Variants in THSD7A observed in about 807,000 individuals in gnomAD.
THSD7A encodes the protein thrombospondin type 1 domain containing 7A, also known as thrombospondin type-1 domain-containing protein 7A.
THSD7A carries 96 observed loss-of-function variants against 231.3 expected under a neutral mutation model. The observed-to-expected ratio is 0.41, with a 90% CI of 0.35 to 0.49. The LOEUF (loss-of-function observed/expected upper bound fraction) is 0.49. THSD7A is among the 20% of genes least tolerant of loss of function. The probability of loss-of-function intolerance (pLI) is 0.05; values close to 1 mark genes in which losing one functional copy is unlikely to be tolerated. For missense variants in THSD7A, 2,290 were observed against 2,070.2 expected (o/e 1.11, Z -2.06); for synonymous variants, 940 against 743.3 (o/e 1.26, Z -4.30).
intron 5 of THSD7A, among the ~76,000 whole-genome samples, chr7:11,541,843 A>T (rs1388623907): frequency 1.3e-5 from 2 of 152,180 alleles, no homozygotes; most frequent in African/African-American, 4.8e-5. Context: ...AATGAAAAAA[A>T]ATGAGAACCT....
At chr7:11,402,001 A>T (rs1213336227) in intron 22 of THSD7A, 33 bp from the exon 23 acceptor site, 1 of 1,586,244 alleles carries the variant, frequency 6.3e-7, no homozygotes, top group Non-Finnish European at 8.6e-7. Flanking sequence ...TTACACCCAT[A>T]TCCACAGAGA....
intron 1 of THSD7A, among the ~76,000 whole-genome samples, chr7:11,659,050 T>G (rs1782818559): frequency 6.6e-6 from 1 of 151,696 alleles, no homozygotes; most frequent in Admixed American, 6.6e-5. Context: ...TGAACTCACT[T>G]AAACACACAC....
At chr7:11,388,787 A>G (rs572092491) in intron 23 of THSD7A, among the ~76,000 whole-genome samples, 17 of 152,052 alleles carry the variant, frequency 1.1e-4, no homozygotes, top group African/African-American at 2.4e-4. Context: ...CCTGCTTTCT[A>G]TTGTGTGCAT....
At chr7:11,664,161 A>G (rs139374324) in intron 1 of THSD7A, among the ~76,000 whole-genome samples, 12 of 151,882 alleles carry the variant, frequency 7.9e-5, no homozygotes, top group African/African-American at 2.6e-4. Flanking sequence ...GAAGGATTCA[A>G]TAAGTTTTTC....
chr7:11,749,711 G>A (rs757962650), intron 1 of THSD7A, among the ~76,000 whole-genome samples: 6 of 151,946 alleles, frequency 3.9e-5, no homozygotes, highest in Non-Finnish European at 7.4e-5. Flanking sequence ...CAAGCATACC[G>A]GGAGCTATCA....
intron 1 of THSD7A, chr7:11,820,603 T>C (rs1421791704): frequency 1.4e-5 from 10 of 727,624 alleles, no homozygotes; most frequent in Non-Finnish European, 2.5e-5. Flanking sequence ...TCCTGGCCTC[T>C]TCCTCTGGCT....
chr7:11,619,567 C>G (rs1284331908), intron 2 of THSD7A, among the ~76,000 whole-genome samples: 1 of 151,800 alleles, frequency 6.6e-6, no homozygotes, highest in African/African-American at 2.4e-5. Context: ...TGCTCCTATG[C>G]CCAACTAATT....
intron 1 of THSD7A, among the ~76,000 whole-genome samples, chr7:11,676,167 A>G (rs1217523220): frequency 1.3e-5 from 2 of 152,188 alleles, no homozygotes; most frequent in Non-Finnish European, 2.9e-5. Context: ...GACCTGCAGA[A>G]GAGGGGCCTG....
chr7:11,723,422 A>G (rs1299612495), intron 1 of THSD7A, among the ~76,000 whole-genome samples: 2 of 151,912 alleles, frequency 1.3e-5, no homozygotes, highest in Non-Finnish European at 2.9e-5. Flanking sequence ...ACATGTATAC[A>G]TATGTAACAA....
At chr7:11,766,462 A>ACCC (rs1783031834) in intron 1 of THSD7A, among the ~76,000 whole-genome samples, 1 of 145,884 alleles carries the variant, frequency 6.9e-6, no homozygotes, top group African/African-American at 2.8e-5. Flanking sequence ...CAGGGTATTG[A>ACCC]ACCAATATTC....
At chr7:11,461,750 C>T (rs185076999) in intron 10 of THSD7A, among the ~76,000 whole-genome samples, 26 of 152,264 alleles carry the variant, frequency 1.7e-4, no homozygotes, top group Non-Finnish European at 3.7e-4. Flanking sequence ...TATGTTATAT[C>T]AACATAAGAC....
At position 11,593,265 on chromosome 7, in the gene THSD7A, G is replaced by A; in HGVS notation, c.1260C>T (p.Val420=). The change falls in exon 3 of 28, where the codon GTC becomes GTT. Residue 420 remains valine, a synonymous_variant. Transcript: ENST00000423059. ...EPCLSQGDGV[V]PCATYGWRTT... is the part of the protein sequence containing the mutation. ...CTTTATTTACTCACGTGGCACAGGG[G>A]ACAACTCCATCTCCTTGAGACAAAC... The A allele has an allele frequency of 6.2e-7, 1 of 1,613,914 alleles. No homozygotes were observed. Among genetic ancestry groups the A allele is most frequent in the Non-Finnish European group, 8.5e-7 (1 of 1,179,884 alleles).
chr7:11,671,457 A>G (rs1245206706), intron 1 of THSD7A, among the ~76,000 whole-genome samples: 2 of 152,184 alleles, frequency 1.3e-5, no homozygotes, highest in Non-Finnish European at 2.9e-5. Context: ...TATGTAAGAC[A>G]TTCCTCTTGC....
chr7:11,625,758 T>C (rs1781456542), intron 2 of THSD7A, among the ~76,000 whole-genome samples: 1 of 152,166 alleles, frequency 6.6e-6, no homozygotes, highest in African/African-American at 2.4e-5. Context: ...TATGGGAATT[T>C]GTATTTTCTT....
chr7:11,565,526 G>C (rs1290423396), intron 4 of THSD7A, among the ~76,000 whole-genome samples: 2 of 152,168 alleles, frequency 1.3e-5, no homozygotes, highest in Non-Finnish European at 2.9e-5. Context: ...AAGAAACAGT[G>C]GCTTGGACTG....
intron 1 of THSD7A, among the ~76,000 whole-genome samples, chr7:11,758,496 G>A (rs1163951414): frequency 6.6e-6 from 1 of 151,944 alleles, no homozygotes; most frequent in Non-Finnish European, 1.5e-5. Context: ...GCTGGTGCAG[G>A]GTTTGGCTGT....
At chr7:11,582,104 G>C (rs1017891940) in intron 4 of THSD7A, among the ~76,000 whole-genome samples, 1 of 151,860 alleles carries the variant, frequency 6.6e-6, no homozygotes, top group South Asian at 2.1e-4. Context: ...TTTGGTATTA[G>C]ATAGTCCGTG....
At position 11,637,040 on chromosome 7, in the gene THSD7A, T is replaced by C. The variant is rs1781893140; in HGVS notation, c.191-79A>G. ...TTACTGCACATTCCAGAAAGACCTT[T>C]CAAGACCTAGTACATTAACTTCCCT... On this transcript the variant is annotated intron_variant, in intron 1 of 27. Transcript: ENST00000423059. This position sits in a 1 kb window ranked among gnomAD's most constrained non-coding sequence, Gnocchi z 4.2. 1.5e-6 allele frequency: 2 copies of C among 1,328,762 alleles called. No individual in the cohort carries two copies. The allele number at this position is 1,328,762 out of a possible 1,614,324, so 82.3% of individuals were successfully genotyped here. A position where few individuals can be genotyped will look rare whatever the true frequency, so the allele number is the denominator to read the frequency against.
chr7:11,568,340 A>T (rs1365531451), intron 4 of THSD7A, among the ~76,000 whole-genome samples: 1 of 152,126 alleles, frequency 6.6e-6, no homozygotes, highest in Non-Finnish European at 1.5e-5. Context: ...AATATCACTT[A>T]AAATGGAATG....
Sources: allele counts gnomAD v4.1 joint callset (sites outside exome capture counted in the v4.1 genomes callset), GRCh38; gene constraint gnomAD v4.1.1; non-coding constraint Gnocchi (gnomAD v3.1); transcripts MANE v1.5; gene names NCBI Gene and HGNC (gene_info 2026-07-23, HGNC 2026-07-21).